The following KCNIP4 variants were observed in gnomAD, a reference collection of about 807,000 sequenced individuals.
The protein encoded by KCNIP4 is Kv channel-interacting protein 4.
KCNIP4 carries 12 observed loss-of-function variants against 34.0 expected under a neutral mutation model. The ratio of observed to expected loss-of-function variants is 0.35; its 90% CI spans 0.23 to 0.57. The LOEUF is 0.57. KCNIP4 is among the 20% of genes least tolerant of loss of function. The probability of loss-of-function intolerance (pLI) is 0.83; values close to 1 mark genes in which losing one functional copy is unlikely to be tolerated. For missense variants in KCNIP4, 238 were observed against 311.7 expected (o/e 0.76, Z 1.78); for synonymous variants, 124 against 102.2 (o/e 1.21, Z -1.29).
chr4:21,774,552 C>T (rs1719043085), intron 1 of KCNIP4, among the ~76,000 whole-genome samples: 1 of 152,192 alleles, frequency 6.6e-6, no homozygotes, highest in Non-Finnish European at 1.5e-5. Context: ...TTTCCGTTCT[C>T]CCTGTCTCCT....
At chr4:21,637,561 T>C (rs987983660) in intron 1 of KCNIP4, among the ~76,000 whole-genome samples, 2 of 150,080 alleles carry the variant, frequency 1.3e-5, no homozygotes, top group African/African-American at 5.1e-5. Flanking sequence ...GGCGGGTGGA[T>C]GGCTTGCGGA....
At chr4:21,103,125 A>G (rs1213349176) in intron 1 of KCNIP4, among the ~76,000 whole-genome samples, 4 of 151,666 alleles carry the variant, frequency 2.6e-5, no homozygotes, top group Non-Finnish European at 5.9e-5. Context: ...GGGGAACAGA[A>G]CCCTGATTTG....
intron 1 of KCNIP4, among the ~76,000 whole-genome samples, chr4:20,897,901 C>A (rs570140508): frequency 6.6e-6 from 1 of 152,170 alleles, no homozygotes; most frequent in African/African-American, 2.4e-5. Context: ...CTTTGTATGT[C>A]AACTTGACTT....
intron 1 of KCNIP4, chr4:21,697,722 C>T: frequency 8.5e-7 from 1 of 1,175,524 alleles, no homozygotes; most frequent in Non-Finnish European, 1.1e-6. Flanking sequence ...CCGGTTCACA[C>T]TTGTAGTAAC....
At chr4:21,413,386 A>G (rs1724676960) in intron 1 of KCNIP4, among the ~76,000 whole-genome samples, 1 of 152,180 alleles carries the variant, frequency 6.6e-6, no homozygotes, top group African/African-American at 2.4e-5. Context: ...ATGAACCAAT[A>G]AATGCTTTTA....
At chr4:21,614,271 T>C (rs1744413815) in intron 1 of KCNIP4, among the ~76,000 whole-genome samples, 1 of 151,892 alleles carries the variant, frequency 6.6e-6, no homozygotes, top group South Asian at 2.1e-4. Context: ...GCTCTTGACA[T>C]GAGGGATGCA....
chr4:21,932,419 C>A (rs11725086), intron 1 of KCNIP4, among the ~76,000 whole-genome samples: 2 of 151,900 alleles, frequency 1.3e-5, no homozygotes, highest in East Asian at 3.9e-4. Context: ...GGAATCATTA[C>A]CTATGTGATA....
intron 1 of KCNIP4, among the ~76,000 whole-genome samples, chr4:21,698,643 C>T (rs1712587890): frequency 6.6e-6 from 1 of 151,464 alleles, no homozygotes; most frequent in African/African-American, 2.4e-5. Flanking sequence ...AATTTATACT[C>T]CTAGAGTTTG....
chr4:21,034,730 G>A (rs1186187207), intron 1 of KCNIP4, among the ~76,000 whole-genome samples: 1 of 152,158 alleles, frequency 6.6e-6, no homozygotes, highest in African/African-American at 2.4e-5. Context: ...ACATGCCAGG[G>A]AAAAGAGTTA....
intron 1 of KCNIP4, among the ~76,000 whole-genome samples, chr4:21,005,816 A>G (rs1738502565): frequency 6.6e-6 from 1 of 152,116 alleles, no homozygotes; most frequent in Non-Finnish European, 1.5e-5. Context: ...TGTCTCAAAT[A>G]CCTTCTTATT....
At chr4:20,968,782 T>TG (rs1454926556) in intron 1 of KCNIP4, among the ~76,000 whole-genome samples, 4 of 11,084 alleles carry the variant, frequency 3.6e-4, no homozygotes, top group Non-Finnish European at 5.3e-4. Flanking sequence ...TGTCAAGGGG[T>TG]GGGGGGCTGG....
chr4:21,422,095 T>G (rs1434473538), intron 1 of KCNIP4, among the ~76,000 whole-genome samples: 1 of 152,048 alleles, frequency 6.6e-6, no homozygotes, highest in Non-Finnish European at 1.5e-5. Flanking sequence ...TTTTGTTTCA[T>G]AAACACTAAC....
chr4:21,734,145 T>C (rs1336587016), intron 1 of KCNIP4, among the ~76,000 whole-genome samples: 2 of 152,152 alleles, frequency 1.3e-5, no homozygotes, highest in African/African-American at 2.4e-5. Context: ...ATCTAAATTA[T>C]TCTGGGCTAC....
At chr4:21,594,834 G>A (rs1228401151) in intron 1 of KCNIP4, among the ~76,000 whole-genome samples, 3 of 139,736 alleles carry the variant, frequency 2.1e-5, no homozygotes, top group South Asian at 4.8e-4. Flanking sequence ...CTGTCTCAGG[G>A]TTTCCTTCAA....
intron 1 of KCNIP4, among the ~76,000 whole-genome samples, chr4:21,009,218 A>G (rs1490560157): frequency 1.3e-5 from 2 of 152,212 alleles, no homozygotes; most frequent in African/African-American, 4.8e-5. Flanking sequence ...GATTCATGTT[A>G]TGAATACATA....
In KCNIP4 at chr4:21,504,796, A is replaced by G. The variant is rs192694752; in HGVS notation, c.61+443775T>C. 9.8e-5 allele frequency among the ~76,000 whole-genome samples: 15 copies of G among 152,298 alleles called. No homozygotes were observed. In the East Asian group the frequency reaches 2.7e-3, roughly 27 times the overall value. ...TCATGAACAAAATGTAACTGATATTATGTTTTAATTAGCTTCAGTCAGCCT... is the reference window on the plus strand; with the variant it reads ...TCATGAACAAAATGTAACTGATATTGTGTTTTAATTAGCTTCAGTCAGCCT... On this transcript the variant is annotated intron_variant, in intron 1 of 8. Transcript: ENST00000382152.
intron 5 of KCNIP4, among the ~76,000 whole-genome samples, chr4:20,743,706 A>G (rs1205445811): frequency 2.0e-5 from 3 of 152,180 alleles, no homozygotes; most frequent in Non-Finnish European, 4.4e-5. Flanking sequence ...GGACATAGGC[A>G]TGGGCAAGGA....
At chr4:20,755,575 T>C (rs2149352728) in intron 4 of KCNIP4, among the ~76,000 whole-genome samples, 1 of 152,288 alleles carries the variant, frequency 6.6e-6, no homozygotes, top group South Asian at 2.1e-4. Context: ...GCTGACATTC[T>C]AGTGGAGAGA....
chr4:20,975,025 G>A (rs1413189606), intron 1 of KCNIP4, among the ~76,000 whole-genome samples: 1 of 152,132 alleles, frequency 6.6e-6, no homozygotes, highest in Non-Finnish European at 1.5e-5. Flanking sequence ...TCAAAATAAT[G>A]TCATGAGGTA....
Sources: gnomAD v4.1 joint callset for allele counts (sites outside exome capture counted in the v4.1 genomes callset) on GRCh38, gnomAD v4.1.1 for gene constraint, MANE v1.5 for transcripts, NCBI Gene and HGNC (gene_info 2026-07-23, HGNC 2026-07-21) for gene names.